DNAH7: variants seen among roughly 807,000 people sequenced by gnomAD.
The protein encoded by DNAH7 is dynein axonemal heavy chain 7.
Under a neutral mutation model 444.6 loss-of-function variants are expected in DNAH7, and 397 were observed. The ratio of observed to expected loss-of-function variants is 0.89; its 90% CI spans 0.82 to 0.97. The LOEUF (loss-of-function observed/expected upper bound fraction) is 0.97, where lower values mean the gene tolerates loss of function less well. Ranked by LOEUF, DNAH7 falls within the 50% of genes least tolerant of loss-of-function variation. The probability of loss-of-function intolerance (pLI) is 0.00; values close to 1 mark genes in which losing one functional copy is unlikely to be tolerated. For missense variants in DNAH7, 4,902 were observed against 4,800.8 expected (o/e 1.02, Z -0.62); for synonymous variants, 1,636 against 1,624.4 (o/e 1.01, Z -0.17).
At chr2:195,792,837 G>A (rs141268342) in intron 57 of DNAH7, among the ~76,000 whole-genome samples, 7 of 151,918 alleles carry the variant, frequency 4.6e-5, no homozygotes, top group African/African-American at 7.2e-5. Context: ...GAGAGAGAGA[G>A]GAAATACAAA....
intron 5 of DNAH7, among the ~76,000 whole-genome samples, chr2:196,046,592 G>A (rs957396128): frequency 6.6e-6 from 1 of 152,084 alleles, no homozygotes; most frequent in East Asian, 1.9e-4. Flanking sequence ...AAGCAAACTC[G>A]AAACCACTCT....
intron 3 of DNAH7, among the ~76,000 whole-genome samples, chr2:196,050,811 A>C (rs1489628442): frequency 6.6e-6 from 1 of 152,198 alleles, no homozygotes; most frequent in East Asian, 1.9e-4. Flanking sequence ...AGATCATCAA[A>C]TCAACTCAGC....
chr2:195,920,090 T>C (rs1687932487), intron 24 of DNAH7, among the ~76,000 whole-genome samples: 1 of 152,088 alleles, frequency 6.6e-6, no homozygotes, highest in Admixed American at 6.5e-5. Flanking sequence ...TCAGTGTTTC[T>C]AGCCCATTCT....
At chr2:195,992,171 A>T (rs936156624) in intron 12 of DNAH7, among the ~76,000 whole-genome samples, 33 of 152,324 alleles carry the variant, frequency 2.2e-4, no homozygotes, top group African/African-American at 7.7e-4. Flanking sequence ...GGAAACAGGG[A>T]AAAGCTTGGC....
In DNAH7 at chr2:195,775,962, T is replaced by G; in HGVS notation, c.11086A>C (p.Thr3696Pro). 6.2e-7 allele frequency: 1 copy of G among 1,614,134 alleles called. No individual in the cohort carries two copies. The highest frequency in any genetic ancestry group is 8.5e-7 in the Non-Finnish European group (1 of 1,180,022). ...GCTGGGGTCAGTGGCAGAGTCTTTG[T>G]GTATTCGATGTAGCTTTTGTGCTGC... ...SGDHKSYIEY[T>P]KTLPLTPAPE... Residue 3696 changes from threonine to proline, a missense_variant, in exon 60 of 65, where the codon ACA becomes CCA. Physicochemically the swap from Thr to Pro is conservative, Grantham distance 38. Coordinates refer to ENST00000312428, the MANE Select transcript of DNAH7 (RefSeq NM_018897.3).
intron 63 of DNAH7, among the ~76,000 whole-genome samples, chr2:195,746,029 G>T (rs1332139374): frequency 6.6e-6 from 1 of 152,130 alleles, no homozygotes; most frequent in Non-Finnish European, 1.5e-5. Flanking sequence ...TGGACTAAAT[G>T]CTCCAATTAA....
intron 9 of DNAH7, among the ~76,000 whole-genome samples, chr2:196,013,295 T>C (rs1391070149): frequency 1.3e-5 from 2 of 152,164 alleles, no homozygotes; most frequent in Admixed American, 1.3e-4. Context: ...GTGGCCCTCA[T>C]TTCAGGCAGC....
At chr2:195,779,548 TTTG>T (rs969098052) in intron 58 of DNAH7, among the ~76,000 whole-genome samples, 95 of 152,220 alleles carry the variant, frequency 6.2e-4, no homozygotes, top group African/African-American at 2.1e-3. Context: ...TTTTATAATA[TTTG>T]TTGTTTTTTT....
intron 21 of DNAH7, among the ~76,000 whole-genome samples, 189 bp downstream of exon 21, chr2:195,934,402 T>A (rs1688907559): frequency 6.6e-6 from 1 of 152,204 alleles, no homozygotes; most frequent in Admixed American, 6.6e-5. Flanking sequence ...TTGTCCCACT[T>A]TTCCAGTGAG....
At chr2:195,999,130 G>A (rs1693886422) in intron 12 of DNAH7, 4 of 717,302 alleles carry the variant, frequency 5.6e-6, no homozygotes, top group African/African-American at 1.7e-5. Context: ...AACACTGAAG[G>A]GTGACACAAT....
rs757751406 is a variant in DNAH7 at position 195,864,778 on chromosome 2, G to A, written c.6877C>T (p.Arg2293Ter). 28 of 1,613,960 alleles carry A rather than the reference G, an allele frequency of 1.7e-5. No homozygotes were observed. Among genetic ancestry groups the A allele is most frequent in the South Asian group, 5.5e-5 (5 of 91,074 alleles). ...TCTAGGTGAATTTCTACTATCATTCGAAGATTATCCACATCTGCGATTTCT... is the reference window on the plus strand; with the variant it reads ...TCTAGGTGAATTTCTACTATCATTCAAAGATTATCCACATCTGCGATTTCT... ...YREIADVDNL[R>*]MIVEIHLEEY... The change falls in exon 41 of 65, where the codon CGA becomes TGA. Residue 2293 changes from arginine to a stop codon, truncating the protein, a stop_gained. Transcript: ENST00000312428. LOFTEE classifies it high-confidence loss of function.
rs773056200 is a variant in DNAH7 at position 195,853,426 on chromosome 2, G to C, written c.8698C>G (p.Leu2900Val). ...ATATCCCCAGTCAAGTTGATGTACA[G>C]CTGACCTAGCTCCAGAGCTGTGTGG... ...WSHTALELGQ[L>V]YINLTGDILI... Residue 2900 changes from leucine to valine, a missense_variant, in exon 46 of 65, where the codon CTG (leucine) becomes GTG (valine). Transcript: ENST00000312428. 2 of 1,613,974 alleles carry C rather than the reference G, an allele frequency of 1.2e-6. No individual in the cohort carries two copies. The highest frequency in any genetic ancestry group is 1.7e-5 in the Admixed American group (1 of 59,984).
Position 195,796,631 on chromosome 2 carries a change from A to C in DNAH7, c.10460T>G (p.Leu3487Arg). Reference protein sequence around the residue: ...KAVKEGTWVVLQNCHLATSWM... With the variant: ...KAVKEGTWVVRQNCHLATSWM... ...AGAGGTGGCAAGGTGACAATTCTGA[A>C]GAACAACCCATGTTCCTTCCTTGAC... is the stretch of plus-strand genomic sequence containing the variant. The change falls in exon 56 of 65, where the codon CTT becomes CGT. Residue 3487 changes from leucine (L) to arginine (R), a missense_variant. By Grantham distance (102) the Leu-to-Arg change is moderately radical. Coordinates refer to ENST00000312428, the MANE Select transcript of DNAH7 (RefSeq NM_018897.3). 6.2e-7 allele frequency: 1 copy of C among 1,614,180 alleles called. No individual in the cohort carries two copies. Among genetic ancestry groups the C allele is most frequent in the Non-Finnish European group, 8.5e-7 (1 of 1,180,008 alleles).
chr2:195,998,661 C>G (rs1046117094), intron 12 of DNAH7: 1 of 152,580 alleles, frequency 6.6e-6, no homozygotes, highest in African/African-American at 2.4e-5. Context: ...TCATAAGTTA[C>G]GTCAAATCAT....
At chr2:195,972,605 T>C in intron 15 of DNAH7, 139 bp from the exon 16 acceptor site, 1 of 610,884 alleles carries the variant, frequency 1.6e-6, no homozygotes, top group Admixed American at 3.0e-5. Context: ...GACTACAGCA[T>C]AGTTTCCTTC....
intron 63 of DNAH7, 47 bp downstream of exon 63, chr2:195,754,290 T>G: frequency 6.5e-7 from 1 of 1,537,086 alleles, no homozygotes; most frequent in South Asian, 1.2e-5. Context: ...GTCATGTTTT[T>G]GTTCAGTGCC....
intron 27 of DNAH7, chr2:195,902,976 T>C (rs1163072708): frequency 6.6e-6 from 1 of 152,194 alleles, no homozygotes; most frequent in Non-Finnish European, 1.5e-5. Flanking sequence ...AAAAATTAAA[T>C]TGGATTCTAG....
intron 5 of DNAH7, 146 bp from the exon 6 acceptor site, chr2:196,028,193 TG>T: frequency 1.6e-6 from 1 of 616,970 alleles, no homozygotes; most frequent in Admixed American, 3.3e-5. Flanking sequence ...CATACACATT[TG>T]TTTGGTGCTA....
At chr2:196,023,353 C>T (rs1394819526) in intron 8 of DNAH7, among the ~76,000 whole-genome samples, 1 of 152,182 alleles carries the variant, frequency 6.6e-6, no homozygotes, top group Non-Finnish European at 1.5e-5. Flanking sequence ...TGTGAGCCAA[C>T]TAAACCTCTT....
Sources: gnomAD v4.1 joint callset for allele counts (sites outside exome capture counted in the v4.1 genomes callset) on GRCh38, gnomAD v4.1.1 for gene constraint, MANE v1.5 for transcripts, NCBI Gene and HGNC (gene_info 2026-07-23, HGNC 2026-07-21) for gene names.